The following NAALADL2 variants were observed in gnomAD, a reference collection of about 807,000 sequenced individuals.
NAALADL2 encodes N-acetylated alpha-linked acidic dipeptidase like 2, also known as inactive N-acetylated-alpha-linked acidic dipeptidase-like protein 2.
NAALADL2 carries 76 observed loss-of-function variants against 87.2 expected under a neutral mutation model. The observed-to-expected ratio is 0.87, with a 90% CI of 0.72 to 1.05. The LOEUF (loss-of-function observed/expected upper bound fraction) is 1.05, where lower values mean the gene tolerates loss of function less well. Ranked by LOEUF, NAALADL2 falls within the 50% of genes least tolerant of loss-of-function variation. NAALADL2 has a pLI of 0.00. For synonymous variants in NAALADL2, 354 were observed against 331.0 expected (o/e 1.07, Z -0.75); for missense variants, 1,089 against 945.8 (o/e 1.15, Z -1.99).
At chr3:175,131,087 T>C (rs1296172651) in intron 2 of NAALADL2, among the ~76,000 whole-genome samples, 2 of 152,260 alleles carry the variant, frequency 1.3e-5, no homozygotes, top group East Asian at 3.9e-4. Flanking sequence ...CTTTTATCAG[T>C]GTTTTACAGT....
chr3:175,116,810 C>A (rs1580536542), intron 2 of NAALADL2, among the ~76,000 whole-genome samples: 2 of 152,126 alleles, frequency 1.3e-5, no homozygotes, highest in South Asian at 4.1e-4. Flanking sequence ...CCAAGACAAC[C>A]CTAAGCCAAA....
At chr3:175,692,409 G>A (rs1737174787) in intron 11 of NAALADL2, among the ~76,000 whole-genome samples, 1 of 152,100 alleles carries the variant, frequency 6.6e-6, no homozygotes, top group Admixed American at 6.6e-5. Flanking sequence ...TTGTGGTCAT[G>A]TCTCCAGTAT....
intron 3 of NAALADL2, among the ~76,000 whole-genome samples, chr3:174,751,278 T>G (rs1420682922): frequency 6.6e-6 from 1 of 152,188 alleles, no homozygotes; most frequent in Non-Finnish European, 1.5e-5. Context: ...AAAATTGTTA[T>G]GAAATTTTGA....
chr3:174,726,349 G>T (rs1473399168), intron 2 of NAALADL2, among the ~76,000 whole-genome samples: 1 of 152,100 alleles, frequency 6.6e-6, no homozygotes, highest in African/African-American at 2.4e-5. Context: ...AGGCTGTGCA[G>T]GTCCAAGAAC....
chr3:175,497,261 A>T lies in NAALADL2; in HGVS notation c.1653+25503A>T, dbSNP rs139639731. ...TGGCTATCAGACAGCTGGTTTTTAT[A>T]GCTCAGCCCTTAACTAAAACATTAT... On this transcript the variant is annotated intron_variant, in intron 9 of 13. Coordinates refer to ENST00000454872, the MANE Select transcript of NAALADL2 (RefSeq NM_207015.3). Among the ~76,000 whole-genome samples, 1,334 of 152,212 alleles carry T rather than the reference A, an allele frequency of 8.8e-3. 12 individuals are homozygous for T. The highest frequency in any genetic ancestry group is 0.012 in the Non-Finnish European group (819 of 67,998).
At chr3:175,361,454 A>C (rs184594107) in intron 5 of NAALADL2, among the ~76,000 whole-genome samples, 3,615 of 148,262 alleles carry the variant, frequency 0.024, 379 homozygotes, top group Non-Finnish European at 0.038. Context: ...TGACTTCCAC[A>C]ATGGTTGAAC....
chr3:174,571,483 G>C (rs538826647), intron 2 of NAALADL2, among the ~76,000 whole-genome samples: 62 of 152,166 alleles, frequency 4.1e-4, no homozygotes, highest in African/African-American at 1.4e-3. Flanking sequence ...TTTAAGCTTA[G>C]ATTTTCCTGC....
chr3:174,613,433 A>G (rs1432093244), intron 2 of NAALADL2, among the ~76,000 whole-genome samples: 1 of 101,048 alleles, frequency 9.9e-6, no homozygotes, highest in African/African-American at 4.8e-5. Flanking sequence ...GAGTAAAAAA[A>G]CCTTAGAAGT....
intron 1 of NAALADL2, among the ~76,000 whole-genome samples, chr3:174,955,768 CA>C (rs1377054473): frequency 6.6e-6 from 1 of 152,072 alleles, no homozygotes; most frequent in Non-Finnish European, 1.5e-5. Context: ...GAATCACCTG[CA>C]GGACTTTTTA....
intron 1 of NAALADL2, among the ~76,000 whole-genome samples, chr3:174,942,517 TG>T: frequency 6.6e-6 from 1 of 152,302 alleles, no homozygotes; most frequent in South Asian, 2.1e-4. Context: ...GTGTTGGGGA[TG>T]ATCTTCTTGT....
chr3:174,712,767 T>A (rs907436051), intron 2 of NAALADL2, among the ~76,000 whole-genome samples: 7 of 152,168 alleles, frequency 4.6e-5, no homozygotes, highest in Non-Finnish European at 1.0e-4. Flanking sequence ...CACTTTTTTT[T>A]ATCTTTAATA....
rs557064659 is a variant in NAALADL2 at position 174,562,435 on chromosome 3, A to T, written c.-115+11798A>T. Among the ~76,000 whole-genome samples the T allele has an allele frequency of 2.3e-3, 352 of 152,300 alleles. 3 individuals are homozygous for T. The highest frequency in any genetic ancestry group is 6.6e-3 in the Admixed American group (101 of 15,292). On this transcript the variant is annotated intron_variant, in intron 2 of 3. Transcript: ENST00000434257. ...TTAAAACAGAGGGGATAGAAAAAGAATAATATGTGAAAAATAAGAAAAATT... is the reference window on the plus strand; with the variant it reads ...TTAAAACAGAGGGGATAGAAAAAGATTAATATGTGAAAAATAAGAAAAATT...
chr3:174,454,316 A>G (rs922713580), intron 1 of NAALADL2, among the ~76,000 whole-genome samples: 2 of 152,150 alleles, frequency 1.3e-5, no homozygotes, highest in African/African-American at 2.4e-5. Flanking sequence ...TCTCACTCAC[A>G]GTATTATATA....
In NAALADL2 at chr3:174,859,439, C is replaced by A. The variant is rs749030061; in HGVS notation, c.32C>A (p.Thr11Lys). The A allele has an allele frequency of 6.2e-7, 1 of 1,610,454 alleles. No individual in the cohort carries two copies. Among genetic ancestry groups the A allele is most frequent in the African/African-American group, 1.3e-5 (1 of 74,842 alleles). MGENEASLPNTSLQGKKMAYQ... is the reference protein window; with the variant it reads MGENEASLPNKSLQGKKMAYQ... The stretch of plus-strand genomic sequence containing the variant: ...GAGAATGAAGCAAGTTTACCTAACA[C>A]GTCTTTGCAAGGTAAGTACCAACAG... Residue 11 changes from threonine to lysine, a missense_variant, in exon 1 of 14, where the codon ACG (threonine) becomes AAG (lysine). Coordinates refer to ENST00000454872, the MANE Select transcript of NAALADL2 (RefSeq NM_207015.3).
intron 1 of NAALADL2, among the ~76,000 whole-genome samples, chr3:174,523,060 C>A (rs1408294911): frequency 6.6e-6 from 1 of 152,002 alleles, no homozygotes; most frequent in African/African-American, 2.4e-5. Context: ...AGGAAATGGG[C>A]CCTCACCAGA....
At chr3:175,142,366 C>T (rs574711977) in intron 2 of NAALADL2, among the ~76,000 whole-genome samples, 4 of 152,146 alleles carry the variant, frequency 2.6e-5, no homozygotes, top group South Asian at 2.1e-4. Flanking sequence ...CATCTATAGA[C>T]GTACTCCCCT....
At chr3:175,343,437 T>C (rs1253722708) in intron 5 of NAALADL2, among the ~76,000 whole-genome samples, 6 of 152,014 alleles carry the variant, frequency 3.9e-5, no homozygotes, top group Non-Finnish European at 8.8e-5. Context: ...GAAATTACAA[T>C]ACCTTAAAAA....
rs140411282 is a variant in NAALADL2, at chr3:175,691,307, A to G, written c.1897-45999A>G. ...GATAAAACAATTACTATAAAAGGAC[A>G]TTTCTTATTAATTTTATCTGTAGGT... On this transcript the variant is annotated intron_variant, in intron 11 of 13. Coordinates refer to ENST00000454872, the MANE Select transcript of NAALADL2 (RefSeq NM_207015.3). 5.6e-3 allele frequency among the ~76,000 whole-genome samples: 850 copies of G among 151,192 alleles called. 9 individuals are homozygous for G. Among genetic ancestry groups the G allele is most frequent in the African/African-American group, 0.02 (821 of 41,362 alleles).
chr3:174,467,848 T>A (rs1716632540), intron 1 of NAALADL2, among the ~76,000 whole-genome samples: 2 of 151,998 alleles, frequency 1.3e-5, no homozygotes, highest in Admixed American at 6.6e-5. Context: ...ACATAAAATA[T>A]CTCTAACAGA....
Sources: gnomAD v4.1 joint callset for allele counts (sites outside exome capture counted in the v4.1 genomes callset) on GRCh38, gnomAD v4.1.1 for gene constraint, MANE v1.5 for transcripts, NCBI Gene and HGNC (gene_info 2026-07-23, HGNC 2026-07-21) for gene names.